KIF1A: variants seen among roughly 807,000 people sequenced by gnomAD.
KIF1A encodes kinesin family member 1A.
A neutral mutation model predicts 227.3 loss-of-function variants in KIF1A; 46 were observed. That is an observed-to-expected ratio of 0.20 (90% CI 0.16 to 0.26). The LOEUF (loss-of-function observed/expected upper bound fraction) is 0.26. Ranked by LOEUF, KIF1A falls within the 10% of genes least tolerant of loss-of-function variation. KIF1A has a pLI of 1.00. For synonymous variants in KIF1A, 1,022 were observed against 1,012.8 expected (o/e 1.01, Z -0.17); for missense variants, 1,683 against 2,485.9 (o/e 0.68, Z 6.87).
At chr2:240,815,377 G>A (rs1298017899) in intron 1 of KIF1A, among the ~76,000 whole-genome samples, 1 of 152,180 alleles carries the variant, frequency 6.6e-6, no homozygotes, top group Non-Finnish European at 1.5e-5. Context: ...GGCACTACCA[G>A]CCTCAGGGAA....
Position 240,789,892 on chromosome 2 carries a change from C to G in KIF1A, c.107-580G>C, listed in dbSNP as rs1038755337. On this transcript the variant is annotated intron_variant, in intron 2 of 48. Coordinates refer to ENST00000498729, the MANE Select transcript of KIF1A (RefSeq NM_001244008.2). The surrounding 1 kb of genome is among the most constrained non-coding windows in gnomAD (Gnocchi z 4.8). ...AACTTCAAGCCCAGTCCCAGGCACC[C>G]TGGGCTGGCTTCAGGCAGTGCTCAC... 6.6e-6 allele frequency among the ~76,000 whole-genome samples: 1 copy of G among 152,204 alleles called. No individual in the cohort carries two copies. Among genetic ancestry groups the G allele is most frequent in the Non-Finnish European group, 1.5e-5 (1 of 68,024 alleles).
In KIF1A at chr2:240,736,371, C is replaced by G. The variant is rs907546644; in HGVS notation, c.4007+692G>C. On this transcript the variant is annotated intron_variant, in intron 38 of 48. Coordinates refer to ENST00000498729, the MANE Select transcript of KIF1A (RefSeq NM_001244008.2). The surrounding 1 kb of genome is among the most constrained non-coding windows in gnomAD (Gnocchi z 4.7). The stretch of plus-strand genomic sequence containing the variant: ...TCCCCAAGCCCCTGGAAGGCAGCGT[C>G]TGGGACGCAGTGGAGCCCGCGGGAC... 4.6e-5 allele frequency among the ~76,000 whole-genome samples: 7 copies of G among 152,170 alleles called. 1 individual carries two copies. Among genetic ancestry groups the G allele is most frequent in the Admixed American group, 2.0e-4 (3 of 15,304 alleles).
At position 240,797,714 on chromosome 2, in the gene KIF1A, G is replaced by A. The variant is rs2056558710; in HGVS notation, c.39C>T (p.Arg13=). 1 of 1,612,366 alleles carries A rather than the reference G, an allele frequency of 6.2e-7. No individual in the cohort carries two copies. Among genetic ancestry groups the A allele is most frequent in the African/African-American group, 1.3e-5 (1 of 75,048 alleles). The part of the protein sequence containing the change: ...GASVKVAVRV[R]PFNSREMSRD... Reference sequence around the variant, plus strand: ...GGCTCATTTCCCGGGAATTGAAGGGGCGGACCCGCACCGCCACCTTCACCG... The same window carrying A: ...GGCTCATTTCCCGGGAATTGAAGGGACGGACCCGCACCGCCACCTTCACCG... Residue 13 remains arginine, a synonymous_variant, in exon 2 of 49, where the codon CGC becomes CGT. Transcript: ENST00000498729.
Position 240,797,747 on chromosome 2 carries a change from G to A in KIF1A, c.6C>T (p.Ala2=), listed in dbSNP as rs371266160. M[A]GASVKVAVRV... is the part of the protein sequence containing the mutation. Reference sequence around the variant, plus strand: ...GCACCGCCACCTTCACCGAAGCCCCGGCCATCTCTGTGGCCTTCGTGGGTC... The same window carrying A: ...GCACCGCCACCTTCACCGAAGCCCCAGCCATCTCTGTGGCCTTCGTGGGTC... The change falls in exon 2 of 49, where the codon GCC becomes GCT. Residue 2 remains alanine (A), a synonymous_variant. Transcript: ENST00000498729. The A allele has an allele frequency of 2.5e-5, 41 of 1,608,146 alleles. No individual in the cohort carries two copies. The highest frequency in any genetic ancestry group is 6.7e-5 in the East Asian group (3 of 44,804).
intron 44 of KIF1A, 63 bp downstream of exon 44, chr2:240,721,744 G>A: frequency 7.5e-7 from 1 of 1,336,620 alleles, no homozygotes; most frequent in African/African-American, 1.4e-5. Flanking sequence ...TTTTCCTCAG[G>A]GACCACTGCC....
intron 28 of KIF1A, among the ~76,000 whole-genome samples, chr2:240,749,529 T>C (rs1452764957): frequency 6.6e-6 from 1 of 152,010 alleles, no homozygotes; most frequent in African/African-American, 2.4e-5. Flanking sequence ...GGAAAAAGAG[T>C]GCTCCTTGGT....
Position 240,741,315 on chromosome 2 carries a change from C to A in KIF1A, c.3703G>T (p.Asp1235Tyr). The stretch of plus-strand genomic sequence containing the variant: ...CAGATCTCGAAGTAGACCAGCAGGT[C>A]GTACTTGCAGTGGCAGGGTCCCGGA... ...PCPGPCHCKY[D>Y]LLVYFEICEL... Residue 1235 changes from aspartate to tyrosine, a missense_variant, in exon 35 of 49, where the codon GAC becomes TAC. Transcript: ENST00000498729. 1.9e-6 allele frequency: 3 copies of A among 1,600,520 alleles called. No homozygotes were observed. The highest frequency in any genetic ancestry group is 1.1e-5 in the South Asian group (1 of 89,016).
chr2:240,749,093 C>G (rs1226933087), intron 28 of KIF1A, among the ~76,000 whole-genome samples: 2 of 151,342 alleles, frequency 1.3e-5, no homozygotes, highest in Non-Finnish European at 2.9e-5. Flanking sequence ...AGCCACTGCA[C>G]TCCAGCCTGG....
rs1297328883 is a variant in KIF1A, at chr2:240,736,555, C to T, written c.4007+508G>A. Among the ~76,000 whole-genome samples the T allele has an allele frequency of 1.3e-5, 2 of 152,198 alleles. No homozygotes were observed. The highest frequency in any genetic ancestry group is 2.9e-5 in the Non-Finnish European group (2 of 68,038). ...AAACCCCAGCCTAAATGCGGTCGGG[C>T]TGGGACCGCCCAGACTGTGGGGTCT... On this transcript the variant is annotated intron_variant, in intron 38 of 48. Transcript: ENST00000498729. This position sits in a 1 kb window ranked among gnomAD's most constrained non-coding sequence, Gnocchi z 4.7.
chr2:240,806,297 G>A (rs541575902), intron 1 of KIF1A, among the ~76,000 whole-genome samples: 5 of 152,332 alleles, frequency 3.3e-5, no homozygotes, highest in South Asian at 2.1e-4. Context: ...AATTTGCACC[G>A]GGGTACACTT....
At chr2:240,797,550 C>G (rs1257608237) in intron 2 of KIF1A, 97 bp downstream of exon 2, 1 of 837,206 alleles carries the variant, frequency 1.2e-6, no homozygotes, top group African/African-American at 1.7e-5. Context: ...CTCTTGCGGC[C>G]AGGGCCAGGT....
chr2:240,800,154 A>ACT, intron 1 of KIF1A, among the ~76,000 whole-genome samples: 1 of 151,094 alleles, frequency 6.6e-6, no homozygotes, highest in African/African-American at 2.4e-5. Flanking sequence ...ACACTAAAGA[A>ACT]AAAGGCAGCA....
At position 240,737,154 on chromosome 2, in the gene KIF1A, T is replaced by C; in HGVS notation, c.3916A>G (p.Thr1306Ala). Residue 1306 changes from threonine (T) to alanine (A), a missense_variant, in exon 38 of 49, where the codon ACT (threonine) becomes GCT (alanine). Transcript: ENST00000498729. ...ATCAGGGACTCGTCGGTCTCTGGAG[T>C]GTTTCGGATGCGGCCTGCAGAAAAG... Reference protein sequence around the residue: ...RELVVGRIRNTPETDESLIDP... With the variant: ...RELVVGRIRNAPETDESLIDP... 2 of 1,612,694 alleles carry C rather than the reference T, an allele frequency of 1.2e-6. No individual in the cohort carries two copies. The highest frequency in any genetic ancestry group is 1.7e-6 in the Non-Finnish European group (2 of 1,179,242).
intron 1 of KIF1A, 184 bp from the exon 2 acceptor site, chr2:240,797,996 C>A: frequency 4.6e-6 from 2 of 430,998 alleles, no homozygotes; most frequent in South Asian, 8.8e-5. Context: ...AGGAGCCCAG[C>A]GGGACCAGTG....
At chr2:240,795,292 C>G (rs193233940) in intron 2 of KIF1A, among the ~76,000 whole-genome samples, 10 of 152,310 alleles carry the variant, frequency 6.6e-5, no homozygotes, top group Admixed American at 5.2e-4. Flanking sequence ...CAGGGCCAGA[C>G]GGGATCCAGG....
rs773804422 is a variant in KIF1A, at chr2:240,743,926, G to C, written c.3584+16C>G. On this transcript the variant is annotated intron_variant, in intron 33 of 48. Coordinates refer to ENST00000498729, the MANE Select transcript of KIF1A (RefSeq NM_001244008.2). Reference sequence around the variant, plus strand: ...TGAGGACAGCAGCCCCGAACCCCCCGACCCAGGGCGCTAACCTGAGCACGT... The same window carrying C: ...TGAGGACAGCAGCCCCGAACCCCCCCACCCAGGGCGCTAACCTGAGCACGT... The C allele has an allele frequency of 6.4e-7, 1 of 1,571,278 alleles. No homozygotes were observed. The highest frequency in any genetic ancestry group is 8.8e-7 in the Non-Finnish European group (1 of 1,142,062).
At position 240,793,702 on chromosome 2, in the gene KIF1A, T is replaced by C. The variant is rs1365772576; in HGVS notation, c.106+3945A>G. On this transcript the variant is annotated intron_variant, in intron 2 of 48. Coordinates refer to ENST00000498729, the MANE Select transcript of KIF1A (RefSeq NM_001244008.2). This position sits in a 1 kb window ranked among gnomAD's most constrained non-coding sequence, Gnocchi z 4.8. The stretch of plus-strand genomic sequence containing the variant: ...GTCTGGTGTGTTCAAATGAAGAGGA[T>C]TATTTATGCAGGTGATGATTACGGG... Among the ~76,000 whole-genome samples, 1 of 152,208 alleles carries C rather than the reference T, an allele frequency of 6.6e-6. No homozygotes were observed. The highest frequency in any genetic ancestry group is 1.5e-5 in the Non-Finnish European group (1 of 68,036).
chr2:240,807,088 G>A (rs868251516), intron 1 of KIF1A, among the ~76,000 whole-genome samples: 990 of 85,278 alleles, frequency 0.012, 12 homozygotes, highest in Non-Finnish European at 0.015. Flanking sequence ...ATGTGTGTGT[G>A]TGTGTGTGTG....
chr2:240,725,210 T>C lies in KIF1A; in HGVS notation c.4256+61A>G, dbSNP rs1338248918. 1 of 1,539,008 alleles carries C rather than the reference T, an allele frequency of 6.5e-7. No homozygotes were observed. Among genetic ancestry groups the C allele is most frequent in the Non-Finnish European group, 8.8e-7 (1 of 1,140,644 alleles). On this transcript the variant is annotated intron_variant, in intron 40 of 48. Transcript: ENST00000498729. The surrounding 1 kb of genome is among the most constrained non-coding windows in gnomAD (Gnocchi z 5.8). ...CAAGGACCGCTGCCAGGCAGAGCCCTGCCTGGCCCGCACCGAGACCAGGGT... is the reference window on the plus strand; with the variant it reads ...CAAGGACCGCTGCCAGGCAGAGCCCCGCCTGGCCCGCACCGAGACCAGGGT...
Sources: allele counts gnomAD v4.1 joint callset (sites outside exome capture counted in the v4.1 genomes callset), GRCh38; gene constraint gnomAD v4.1.1; non-coding constraint Gnocchi (gnomAD v3.1); transcripts MANE v1.5; gene names NCBI Gene and HGNC (gene_info 2026-07-23, HGNC 2026-07-21).